The following UNC13C variants were observed in gnomAD, a reference collection of about 807,000 sequenced individuals.
UNC13C encodes unc-13 homolog C.
Under a neutral mutation model 245.4 loss-of-function variants are expected in UNC13C, and 174 were observed. That is an observed-to-expected ratio of 0.71 (90% CI 0.63 to 0.80). The LOEUF is 0.80. UNC13C is among the 30% of genes least tolerant of loss of function. UNC13C has a pLI of 0.00. For missense variants in UNC13C, 2,829 were observed against 2,602.9 expected (o/e 1.09, Z -1.89); for synonymous variants, 992 against 895.1 (o/e 1.11, Z -1.93).
intron 17 of UNC13C, among the ~76,000 whole-genome samples, chr15:54,362,461 T>C (rs1309553064): frequency 6.6e-6 from 1 of 152,228 alleles, no homozygotes; most frequent in Non-Finnish European, 1.5e-5. Flanking sequence ...CTCCCCTGAA[T>C]TCAGGGTGGT....
intron 13 of UNC13C, among the ~76,000 whole-genome samples, chr15:54,314,796 T>G (rs2037968179): frequency 6.6e-6 from 1 of 151,804 alleles, no homozygotes. Flanking sequence ...GAGATCATTC[T>G]AAATCTTCAG....
chr15:54,545,551 T>C (rs1278141461), intron 26 of UNC13C, among the ~76,000 whole-genome samples: 1 of 152,162 alleles, frequency 6.6e-6, no homozygotes, highest in African/African-American at 2.4e-5. Context: ...TATATCCATC[T>C]GGGCTAATAT....
At chr15:54,483,840 CA>C (rs1435681159) in intron 19 of UNC13C, among the ~76,000 whole-genome samples, 1 of 152,160 alleles carries the variant, frequency 6.6e-6, no homozygotes, top group Non-Finnish European at 1.5e-5. Context: ...ACTCTCCCTA[CA>C]ATGCAAAATG....
intron 2 of UNC13C, among the ~76,000 whole-genome samples, chr15:54,103,980 T>A (rs1008613630): frequency 6.6e-6 from 1 of 152,210 alleles, no homozygotes; most frequent in Non-Finnish European, 1.5e-5. Context: ...CTTGACCTCG[T>A]GATCTGCCCG....
chr15:53,956,364 G>A, the UNC13C span, among the ~76,000 whole-genome samples: 1 of 151,898 alleles, frequency 6.6e-6, no homozygotes, highest in Non-Finnish European at 1.5e-5. Context: ...ATTTAGGGGT[G>A]GGAAATTCAC....
chr15:54,505,861 T>C (rs917610086), intron 22 of UNC13C, among the ~76,000 whole-genome samples: 1 of 151,872 alleles, frequency 6.6e-6, no homozygotes, highest in Admixed American at 6.6e-5. Flanking sequence ...CATTGGCATT[T>C]GTAGGCTATT....
chr15:54,481,993 G>A (rs1026942184), intron 19 of UNC13C, among the ~76,000 whole-genome samples: 4 of 152,186 alleles, frequency 2.6e-5, no homozygotes, highest in African/African-American at 4.8e-5. Flanking sequence ...TCCTGTGAGG[G>A]GCAGGGTTGC....
intron 1 of UNC13C, among the ~76,000 whole-genome samples, chr15:53,980,539 A>G (rs28450130): frequency 1.8e-4 from 27 of 152,238 alleles, no homozygotes; most frequent in African/African-American, 6.0e-4. Context: ...AATATTTGAA[A>G]CTCTAATTTA....
intron 19 of UNC13C, among the ~76,000 whole-genome samples, chr15:54,478,799 T>G (rs957182163): frequency 8.5e-5 from 13 of 152,162 alleles, no homozygotes; most frequent in African/African-American, 3.1e-4. Context: ...TGATTTGGGG[T>G]GGAGAGTTCT....
At chr15:53,961,418 T>C in the UNC13C span, among the ~76,000 whole-genome samples, 1 of 152,252 alleles carries the variant, frequency 6.6e-6, no homozygotes, top group Non-Finnish European at 1.5e-5. Context: ...GCCCTTAATT[T>C]GTCTTCATGA....
intron 29 of UNC13C, 25 bp downstream of exon 29, chr15:54,555,537 T>C: frequency 6.3e-7 from 1 of 1,580,366 alleles, no homozygotes; most frequent in Middle Eastern, 1.7e-4. Context: ...CTCCTATATA[T>C]ACATCGAGAG....
intron 17 of UNC13C, among the ~76,000 whole-genome samples, chr15:54,365,755 A>G (rs1315345354): frequency 6.7e-6 from 1 of 150,152 alleles, no homozygotes; most frequent in Admixed American, 6.7e-5. Flanking sequence ...GCTCAAAAAG[A>G]AAAAAAGAAA....
chr15:54,500,800 A>C (rs762203690), intron 21 of UNC13C, 35 bp from the exon 22 acceptor site: 7 of 1,602,984 alleles, frequency 4.4e-6, no homozygotes, highest in Non-Finnish European at 5.1e-6. Context: ...CCTCTAATGT[A>C]CTGTTTGGGA....
At chr15:54,041,181 A>G (rs1485388198) in intron 2 of UNC13C, among the ~76,000 whole-genome samples, 1 of 152,224 alleles carries the variant, frequency 6.6e-6, no homozygotes, top group East Asian at 1.9e-4. Flanking sequence ...ATGGTAGTAT[A>G]TATAAAACTT....
chr15:54,174,883 T>C (rs1331822585), intron 4 of UNC13C, among the ~76,000 whole-genome samples: 1 of 152,212 alleles, frequency 6.6e-6, no homozygotes, highest in Non-Finnish European at 1.5e-5. Flanking sequence ...AAGATGCCAG[T>C]TATCCAAAGT....
chr15:54,016,092 T>C (rs531043471), intron 2 of UNC13C, among the ~76,000 whole-genome samples: 11 of 152,354 alleles, frequency 7.2e-5, no homozygotes, highest in African/African-American at 2.6e-4. Flanking sequence ...ATATGTTAAA[T>C]GGGTCATATT....
At chr15:53,947,770 A>G in the UNC13C span, 5 of 152,224 alleles carry the variant, frequency 3.3e-5, no homozygotes, top group Non-Finnish European at 7.3e-5. Flanking sequence ...TGTTGTTCTC[A>G]TCTGGGACTT....
At chr15:54,289,807 G>GA (rs1002431613) in intron 10 of UNC13C, among the ~76,000 whole-genome samples, 5 of 150,420 alleles carry the variant, frequency 3.3e-5, no homozygotes, top group South Asian at 2.1e-4. Flanking sequence ...ACTGTTGGGG[G>GA]AAAAAAAAAG....
chr15:54,368,356 C>G (rs537572644), intron 17 of UNC13C, among the ~76,000 whole-genome samples: 1 of 151,996 alleles, frequency 6.6e-6, no homozygotes, highest in South Asian at 2.1e-4. Flanking sequence ...TTTAAATTAT[C>G]AAATCTTCTT....
Sources: allele counts gnomAD v4.1 joint callset (sites outside exome capture counted in the v4.1 genomes callset), GRCh38; gene constraint gnomAD v4.1.1; transcripts MANE v1.5; gene names NCBI Gene and HGNC (gene_info 2026-07-23, HGNC 2026-07-21).